The following SPATA46 variants were observed in gnomAD, a reference collection of about 807,000 sequenced individuals.
SPATA46 encodes the protein spermatogenesis associated 46.
In SPATA46, 3 loss-of-function variants were observed where a neutral mutation model predicts 6.2. The observed-to-expected ratio is 0.48, with a 90% CI of 0.22 to 1.25. The LOEUF (loss-of-function observed/expected upper bound fraction) is 1.25. Among genes scored for constraint, SPATA46 ranks in the 50% most tolerant of loss-of-function variants. SPATA46 has a pLI of 0.20. For synonymous variants in SPATA46, 117 were observed against 123.3 expected, an observed-to-expected ratio of 0.95 and a Z score of 0.34; for missense variants, 308 against 323.5, an observed-to-expected ratio of 0.95 and a Z score of 0.37.
chr1:162,375,472 C>T, intron 1 of SPATA46, 69 bp from the exon 2 acceptor site: 8 of 1,230,260 alleles, frequency 6.5e-6, no homozygotes, highest in Non-Finnish European at 8.4e-6. Flanking sequence ...CTCCCCCAGG[C>T]ATACCTAGGG....
intron 1 of SPATA46, 67 bp downstream of exon 1, chr1:162,376,621 T>C (rs747362939): frequency 1.3e-5 from 18 of 1,403,260 alleles, no homozygotes; most frequent in Non-Finnish European, 1.8e-5. Context: ...CATGATCTGG[T>C]AGGGTACTCA....
chr1:162,374,478 A>T lies in SPATA46; in HGVS notation c.356T>A (p.Val119Glu). ...SQLEAYDFPE[V>E]QQDEGKWDNC... ...GTCCCACTTGCCCTCATCCTGCTGCACCTCTGGGAAGTCATAGGCCTCCAG... is the reference window on the plus strand; with the variant it reads ...GTCCCACTTGCCCTCATCCTGCTGCTCCTCTGGGAAGTCATAGGCCTCCAG... The change falls in exon 3 of 3, where the codon GTG becomes GAG. Residue 119 changes from valine (V) to glutamate (E), a missense_variant. Physicochemically the swap from Val to Glu is moderately radical, Grantham distance 121. Coordinates refer to ENST00000367935, the MANE Select transcript of SPATA46 (RefSeq NM_182581.4). The T allele has an allele frequency of 6.2e-7, 1 of 1,614,086 alleles. No homozygotes were observed. The highest frequency in any genetic ancestry group is 8.5e-7 in the Non-Finnish European group (1 of 1,179,998).
intron 1 of SPATA46, 164 bp downstream of exon 1, chr1:162,376,524 T>G: frequency 1.4e-6 from 1 of 703,482 alleles, no homozygotes; most frequent in Non-Finnish European, 2.3e-6. Context: ...TACACAGCAG[T>G]AACTACTTAC....
Position 162,374,525 on chromosome 1 carries a change from C to T in SPATA46, c.309G>A (p.Val103=). 3 of 1,614,238 alleles carry T rather than the reference C, an allele frequency of 1.9e-6. No individual in the cohort carries two copies. The highest frequency in any genetic ancestry group is 2.5e-6 in the Non-Finnish European group (3 of 1,180,048). The change falls in exon 3 of 3, where the codon GTG becomes GTA. Residue 103 remains valine, a synonymous_variant. Coordinates refer to ENST00000367935, the MANE Select transcript of SPATA46 (RefSeq NM_182581.4). The part of the protein sequence containing the change: ...RPWFSPYSYF[V]CADKESQLEA... ...CCAGCTGGCTCTCTTTGTCTGCACA[C>T]ACGAAGTAGCTGTAGGGGGAGAACC... is the stretch of plus-strand genomic sequence containing the variant.
Position 162,376,698 on chromosome 1 carries a change from G to A in SPATA46, c.93C>T (p.Thr31=). Residue 31 remains threonine, a synonymous_variant, in exon 1 of 3, where the codon ACC becomes ACT. Transcript: ENST00000367935. ...AFPDIMFSRA[T]SLPDIAKTAV... ...GGCACCAAAGTTTACCTGGCAGGCT[G>A]GTGGCACGAGAGAACATAATGTCGG... 6.2e-7 allele frequency: 1 copy of A among 1,613,988 alleles called. No homozygotes were observed. Among genetic ancestry groups the A allele is most frequent in the Non-Finnish European group, 8.5e-7 (1 of 1,179,920 alleles).
rs1445680816 is a variant in SPATA46, at chr1:162,376,838, G to A, written c.-48C>T. ...AGAGATCACACGCCTGCTCTGGAGA[G>A]GCTGGCTGGTTTGTCCAGAGGATAA... On this transcript the variant is annotated 5_prime_UTR_variant, in exon 1 of 3. Transcript: ENST00000367935. The A allele has an allele frequency of 6.2e-7, 1 of 1,600,044 alleles. No homozygotes were observed. Among genetic ancestry groups the A allele is most frequent in the Admixed American group, 1.7e-5 (1 of 58,082 alleles).
At chr1:162,375,485 T>A in intron 1 of SPATA46, 82 bp from the exon 2 acceptor site, 1 of 1,058,632 alleles carries the variant, frequency 9.4e-7, no homozygotes, top group Non-Finnish European at 1.5e-6. Context: ...ACCTAGGGGC[T>A]CAACCTCTGT....
chr1:162,375,515 C>T, intron 1 of SPATA46, 112 bp from the exon 2 acceptor site: 2 of 772,328 alleles, frequency 2.6e-6, no homozygotes, highest in Non-Finnish European at 4.5e-6. Context: ...CATCTCAACG[C>T]TGAAACAGAA....
chr1:162,375,263 C>T (rs200400683), intron 2 of SPATA46, 27 bp downstream of exon 2: 245 of 1,574,740 alleles, frequency 1.6e-4, no homozygotes, highest in Non-Finnish European at 2.0e-4. Flanking sequence ...CTCACACATT[C>T]CCGCCCAGAG....
Position 162,375,000 on chromosome 1 carries a change from C to T in SPATA46, c.217+290G>A, listed in dbSNP as rs1647600382. On this transcript the variant is annotated intron_variant, in intron 2 of 2. Coordinates refer to ENST00000367935, the MANE Select transcript of SPATA46 (RefSeq NM_182581.4). ...TCCCACAGTCCCTCTTTTCGCCACC[C>T]ATGGCTGTGACCCTTTTTTCAGCCT... Among the ~76,000 whole-genome samples the T allele has an allele frequency of 2.0e-5, 3 of 152,194 alleles. No individual in the cohort carries two copies. In the South Asian group the frequency reaches 6.2e-4, roughly 32 times the overall value.
chr1:162,373,976 G>A lies in SPATA46; in HGVS notation c.*72C>T. ...CAAAGGTGATGAGAGCCGGGTTCTGGGAAGGACAGCAGGCTGTGCGGGGTG... is the reference window on the plus strand; with the variant it reads ...CAAAGGTGATGAGAGCCGGGTTCTGAGAAGGACAGCAGGCTGTGCGGGGTG... On this transcript the variant is annotated 3_prime_UTR_variant, in exon 3 of 3. Transcript: ENST00000367935. 6.8e-7 allele frequency: 1 copy of A among 1,467,810 alleles called. No individual in the cohort carries two copies. The highest frequency in any genetic ancestry group is 9.2e-7 in the Non-Finnish European group (1 of 1,088,890). 90.9% of individuals were successfully genotyped at this position (1,467,810 alleles called of 1,614,324 possible).
Position 162,374,600 on chromosome 1 carries a change from A to G in SPATA46, c.234T>C (p.Asp78=), listed in dbSNP as rs164159. Residue 78 remains aspartate (D), a synonymous_variant, in exon 3 of 3, where the codon GAT becomes GAC. Coordinates refer to ENST00000367935, the MANE Select transcript of SPATA46 (RefSeq NM_182581.4). The part of the protein sequence containing the change: ...TALSPDCSLG[D]TQHGEKLRRN... ...GCCTCAGCTTCTCTCCGTGCTGGGT[A>G]TCCCCCAAGCTGCAGTCTGCAAAGG... is the stretch of plus-strand genomic sequence containing the variant. 1,609,791 of 1,610,854 alleles carry G rather than the reference A, an allele frequency of 1. 804,373 individuals are homozygous for G. Among genetic ancestry groups the G allele is most frequent in the East Asian group, 1 (44,858 of 44,858 alleles).
In SPATA46 at chr1:162,374,496, G is replaced by A. The variant is rs1647558833; in HGVS notation, c.338C>T (p.Ala113Val). The change falls in exon 3 of 3, where the codon GCC (alanine) becomes GTC (valine). Residue 113 changes from alanine (A) to valine (V), a missense_variant. Physicochemically the swap from Ala to Val is moderately conservative, Grantham distance 64. Coordinates refer to ENST00000367935, the MANE Select transcript of SPATA46 (RefSeq NM_182581.4). ...VCADKESQLE[A>V]YDFPEVQQDE... ...CTGCTGCACCTCTGGGAAGTCATAGGCCTCCAGCTGGCTCTCTTTGTCTGC... is the reference window on the plus strand; with the variant it reads ...CTGCTGCACCTCTGGGAAGTCATAGACCTCCAGCTGGCTCTCTTTGTCTGC... The A allele has an allele frequency of 8.7e-6, 14 of 1,614,086 alleles. No homozygotes were observed. Among genetic ancestry groups the A allele is most frequent in the Non-Finnish European group, 1.1e-5 (13 of 1,180,034 alleles).
rs1647496100 is a variant in SPATA46, at chr1:162,373,487, T to C, written c.*561A>G. 1 of 152,214 alleles carries C rather than the reference T, an allele frequency of 6.6e-6. No homozygotes were observed. Among genetic ancestry groups the C allele is most frequent in the African/African-American group, 2.4e-5 (1 of 41,394 alleles). The allele number at this position is 152,214 out of a possible 1,614,324, so 9.4% of individuals were successfully genotyped here. On this transcript the variant is annotated 3_prime_UTR_variant, in exon 3 of 3. Coordinates refer to ENST00000367935, the MANE Select transcript of SPATA46 (RefSeq NM_182581.4). ...CCTGAGAGCTCAGTCCCGGGTGAGCTCAGCCCCATCTGCCTCTTACCTGCC... is the reference window on the plus strand; with the variant it reads ...CCTGAGAGCTCAGTCCCGGGTGAGCCCAGCCCCATCTGCCTCTTACCTGCC...
chr1:162,375,423 C>A lies in SPATA46; in HGVS notation c.104-20G>T. ...CAATGTCTGGGTTATAGAAGAAACA[C>A]TGGTGAGCTGAGCAAGGTTGGGATT... is the stretch of plus-strand genomic sequence containing the variant. On this transcript the variant is annotated intron_variant, in intron 1 of 2. Transcript: ENST00000367935. 1 of 1,604,808 alleles carries A rather than the reference C, an allele frequency of 6.2e-7. No individual in the cohort carries two copies.
chr1:162,376,332 A>G (rs1265940725), intron 1 of SPATA46, among the ~76,000 whole-genome samples: 1 of 152,072 alleles, frequency 6.6e-6, no homozygotes, highest in Admixed American at 6.5e-5. Flanking sequence ...TTCATGCACA[A>G]TCTAGGGGGA....
Position 162,376,807 on chromosome 1 carries a change from G to A in SPATA46, c.-17C>T. On this transcript the variant is annotated 5_prime_UTR_variant, in exon 1 of 3. Transcript: ENST00000367935. ...GTTCTCCATATTCTGACCACTGCGG[G>A]GGTACAGAGATCACACGCCTGCTCT... The A allele has an allele frequency of 6.2e-7, 1 of 1,613,008 alleles. No homozygotes were observed. Among genetic ancestry groups the A allele is most frequent in the Non-Finnish European group, 8.5e-7 (1 of 1,179,716 alleles).
At position 162,376,804 on chromosome 1, in the gene SPATA46, C is replaced by T. The variant is rs755997807; in HGVS notation, c.-14G>A. 94 of 1,612,998 alleles carry T rather than the reference C, an allele frequency of 5.8e-5. No homozygotes were observed. Among genetic ancestry groups the T allele is most frequent in the African/African-American group, 4.0e-4 (30 of 75,012 alleles). Reference sequence around the variant, plus strand: ...GAAGTTCTCCATATTCTGACCACTGCGGGGGTACAGAGATCACACGCCTGC... The same window carrying T: ...GAAGTTCTCCATATTCTGACCACTGTGGGGGTACAGAGATCACACGCCTGC... On this transcript the variant is annotated 5_prime_UTR_variant, in exon 1 of 3. Transcript: ENST00000367935.
chr1:162,375,188 A>T (rs773947966), intron 2 of SPATA46, 102 bp downstream of exon 2: 2 of 1,012,416 alleles, frequency 2.0e-6, no homozygotes, highest in Non-Finnish European at 3.1e-6. Context: ...AAGACCGCGC[A>T]TGGGGGTCCA....
Sources: allele counts gnomAD v4.1 joint callset (sites outside exome capture counted in the v4.1 genomes callset), GRCh38; gene constraint gnomAD v4.1.1; transcripts MANE v1.5; gene names NCBI Gene and HGNC (gene_info 2026-07-23, HGNC 2026-07-21).